DNAJA3: variants seen among roughly 807,000 people sequenced by gnomAD.
DNAJA3 encodes dnaJ homolog subfamily A member 3, mitochondrial.
A neutral mutation model predicts 54.9 loss-of-function variants in DNAJA3; 29 were observed. That is an observed-to-expected ratio of 0.53 (90% CI 0.39 to 0.72). The LOEUF is 0.72. DNAJA3 is among the 30% of genes least tolerant of loss of function. The pLI is 0.00. For missense variants in DNAJA3, 708 were observed against 639.4 expected, an observed-to-expected ratio of 1.11 and a Z score of -1.16; for synonymous variants, 302 against 251.4, an observed-to-expected ratio of 1.20 and a Z score of -1.90.
chr16:4,434,237 A>T, intron 1 of DNAJA3, 147 bp from the exon 2 acceptor site: 1 of 851,410 alleles, frequency 1.2e-6, no homozygotes, highest in South Asian at 1.7e-5. Flanking sequence ...GGGAACTAAA[A>T]TTCTAGTTGA....
At chr16:4,442,555 CG>C (rs2056849365) in intron 5 of DNAJA3, 135 bp downstream of exon 5, 12 of 1,116,478 alleles carry the variant, frequency 1.1e-5, no homozygotes. Context: ...GTCTTTCCCC[CG>C]TGACCCTGAG....
Position 4,456,047 on chromosome 16 carries a change from A to T in DNAJA3, c.*515A>T, listed in dbSNP as rs929670225. The T allele has an allele frequency of 6.1e-6, 1 of 164,192 alleles. No individual in the cohort carries two copies. Among genetic ancestry groups the T allele is most frequent in the South Asian group, 1.7e-4 (1 of 5,932 alleles). 10.2% of individuals were successfully genotyped at this position (164,192 alleles called of 1,614,324 possible). A position where few individuals can be genotyped will look rare whatever the true frequency, so the allele number is the denominator to read the frequency against. Reference sequence around the variant, plus strand: ...GCCCCACCAGCACCGTCCTCCCCTAATGAGGGGCCCTGCCGAGGCATCAGC... The same window carrying T: ...GCCCCACCAGCACCGTCCTCCCCTATTGAGGGGCCCTGCCGAGGCATCAGC... On this transcript the variant is annotated 3_prime_UTR_variant, in exon 12 of 12. Transcript: ENST00000262375.
At chr16:4,452,707 G>A (rs540297516) in intron 10 of DNAJA3, among the ~76,000 whole-genome samples, 8 of 152,184 alleles carry the variant, frequency 5.3e-5, no homozygotes, top group East Asian at 1.9e-4. Flanking sequence ...CCAGGAGTTC[G>A]AGACCAGCCT....
rs1157293284 is a variant in DNAJA3 at position 4,443,071 on chromosome 16, G to A, written c.838G>A (p.Gly280Ser). ...VMRSTCRRCG[G>S]RGSIIISPCV... ...GCGTTCCACGTGTAGGAGATGTGGT[G>A]GCCGCGGCTCCATCATCATATCGCC... is the stretch of plus-strand genomic sequence containing the variant. The change falls in exon 6 of 12, where the codon GGC becomes AGC. Residue 280 changes from glycine to serine, a missense_variant. Physicochemically the swap from Gly to Ser is moderately conservative, Grantham distance 56 (BLOSUM62 0). Transcript: ENST00000262375. 2 of 1,613,858 alleles carry A rather than the reference G, an allele frequency of 1.2e-6. No homozygotes were observed. Among genetic ancestry groups the A allele is most frequent in the Non-Finnish European group, 8.5e-7 (1 of 1,179,976 alleles).
At chr16:4,434,284 G>A (rs1269684991) in intron 1 of DNAJA3, 100 bp from the exon 2 acceptor site, 2 of 1,353,526 alleles carry the variant, frequency 1.5e-6, no homozygotes, top group African/African-American at 1.5e-5. Flanking sequence ...TTATCAGTTT[G>A]TTTGTTCCTT....
chr16:4,442,990 G>A (rs779212342), intron 5 of DNAJA3, 27 bp from the exon 6 acceptor site: 1 of 1,610,022 alleles, frequency 6.2e-7, no homozygotes. Flanking sequence ...TGCGTACTTA[G>A]GTTACCATTT....
chr16:4,443,230 C>T lies in DNAJA3; in HGVS notation c.931+66C>T, dbSNP rs763191210. On this transcript the variant is annotated intron_variant, in intron 6 of 11. Transcript: ENST00000262375. ...GCAGACAGGGTTGAGGCTACCACAC[C>T]GTGTGGAGAGGGTGGACAGGGCCGA... is the stretch of plus-strand genomic sequence containing the variant. The T allele has an allele frequency of 3.0e-4, 481 of 1,587,068 alleles. 3 individuals carry two copies. Among genetic ancestry groups the T allele is most frequent in the South Asian group, 1.5e-3 (135 of 87,702 alleles).
intron 1 of DNAJA3, among the ~76,000 whole-genome samples, chr16:4,432,637 C>T (rs1156675781): frequency 2.6e-5 from 4 of 152,084 alleles, no homozygotes; most frequent in African/African-American, 9.7e-5. Flanking sequence ...CCACCATACC[C>T]GGCCCGGCTT....
chr16:4,455,500 C>G lies in DNAJA3; in HGVS notation c.*14-46C>G, dbSNP rs955560972. 2.6e-6 allele frequency: 4 copies of G among 1,550,110 alleles called. No homozygotes were observed. In the Admixed American group the frequency reaches 7.8e-5, roughly 30 times the overall value. The stretch of plus-strand genomic sequence containing the variant: ...AGACGCTCCCCACAGGGGTGTGTTC[C>G]CTTGAAATGTTGAGTATAAGGTAAC... On this transcript the variant is annotated intron_variant, in intron 11 of 11. Transcript: ENST00000262375.
intron 3 of DNAJA3, 44 bp downstream of exon 3, chr16:4,437,529 T>C (rs1420257152): frequency 3.2e-6 from 5 of 1,548,910 alleles, no homozygotes; most frequent in African/African-American, 2.8e-5. Context: ...TTCAGCTATG[T>C]GTATGAATCA....
intron 10 of DNAJA3, among the ~76,000 whole-genome samples, chr16:4,451,918 A>T (rs2056983665): frequency 6.6e-6 from 1 of 151,164 alleles, no homozygotes; most frequent in African/African-American, 2.4e-5. Flanking sequence ...AAAAATACAA[A>T]AACTAGCGGG....
Position 4,450,431 on chromosome 16 carries a change from C to T in DNAJA3, c.1273C>T (p.Leu425=). 2 of 1,611,774 alleles carry T rather than the reference C, an allele frequency of 1.2e-6. No homozygotes were observed. The highest frequency in any genetic ancestry group is 1.7e-6 in the Non-Finnish European group (2 of 1,179,324). ...RLTSRQQSLI[L]SYAEDETDVE... ...AACGAGCCGGCAGCAGAGCCTGATC[C>T]TGAGCTACGCCGAGGACGAGACAGA... Residue 425 remains leucine (L), a synonymous_variant, in exon 10 of 12, where the codon CTG becomes TTG. Transcript: ENST00000262375.
chr16:4,445,988 C>A (rs535180861), intron 7 of DNAJA3, among the ~76,000 whole-genome samples: 7 of 150,642 alleles, frequency 4.6e-5, no homozygotes, highest in Non-Finnish European at 1.0e-4. Context: ...GTGGCATGAT[C>A]TCAGCTCACT....
intron 1 of DNAJA3, among the ~76,000 whole-genome samples, chr16:4,432,835 TCAAAAAA>T (rs2056722452): frequency 6.7e-6 from 1 of 149,066 alleles, no homozygotes; most frequent in South Asian, 2.2e-4. Flanking sequence ...AAACTCCGTC[TCAAAAAA>T]CAAAGAAACA....
chr16:4,441,061 T>C lies in DNAJA3; in HGVS notation c.430-314T>C, dbSNP rs958864608. 6.8e-6 allele frequency: 3 copies of C among 439,666 alleles called. No individual in the cohort carries two copies. The Admixed American group carries it at 1.2e-4, about 18-fold the overall frequency. 27.2% of individuals were successfully genotyped at this position (439,666 alleles called of 1,614,324 possible). On this transcript the variant is annotated intron_variant, in intron 3 of 11. Coordinates refer to ENST00000262375, the MANE Select transcript of DNAJA3 (RefSeq NM_005147.6). ...ATGTCCCCTGAGGAGAGAGGTGAAGTGTGAATCTGTGAAGAATCCAGGGTG... is the reference window on the plus strand; with the variant it reads ...ATGTCCCCTGAGGAGAGAGGTGAAGCGTGAATCTGTGAAGAATCCAGGGTG...
At chr16:4,454,475 G>C (rs1274874596) in intron 10 of DNAJA3, among the ~76,000 whole-genome samples, 2 of 152,188 alleles carry the variant, frequency 1.3e-5, no homozygotes, top group African/African-American at 4.8e-5. Flanking sequence ...GGCCTGGCCT[G>C]GGAGGTGCCT....
At chr16:4,447,122 G>C in intron 8 of DNAJA3, 108 bp downstream of exon 8, 1 of 1,354,364 alleles carries the variant, frequency 7.4e-7, no homozygotes, top group Non-Finnish European at 1.0e-6. Flanking sequence ...CCAGCATGTG[G>C]GGGGGCACTC....
intron 3 of DNAJA3, among the ~76,000 whole-genome samples, chr16:4,438,108 A>T (rs1021617143): frequency 6.6e-6 from 1 of 152,110 alleles, no homozygotes; most frequent in Non-Finnish European, 1.5e-5. Flanking sequence ...CCAGGTCAGG[A>T]GATCGAGACC....
At chr16:4,432,561 C>G (rs1411892769) in intron 1 of DNAJA3, among the ~76,000 whole-genome samples, 1 of 151,894 alleles carries the variant, frequency 6.6e-6, no homozygotes, top group East Asian at 2.0e-4. Flanking sequence ...AGGCTGGTCT[C>G]TAACTCCTGA....
Sources: allele counts gnomAD v4.1 joint callset (sites outside exome capture counted in the v4.1 genomes callset), GRCh38; gene constraint gnomAD v4.1.1; transcripts MANE v1.5; gene names NCBI Gene and HGNC (gene_info 2026-07-23, HGNC 2026-07-21).